ZNF451: variants seen among roughly 807,000 people sequenced by gnomAD.
The protein encoded by ZNF451 is E3 SUMO-protein ligase ZNF451.
A neutral mutation model predicts 107.1 loss-of-function variants in ZNF451; 80 were observed. That is an observed-to-expected ratio of 0.75 (90% CI 0.62 to 0.90). The LOEUF (loss-of-function observed/expected upper bound fraction) is 0.90, where lower values mean the gene tolerates loss of function less well. Ranked by LOEUF, ZNF451 falls within the 40% of genes least tolerant of loss-of-function variation. The probability of loss-of-function intolerance (pLI) is 0.00; values close to 1 mark genes in which losing one functional copy is unlikely to be tolerated. For missense variants in ZNF451, 1,107 were observed against 1,236.2 expected, an observed-to-expected ratio of 0.90 and a Z score of 1.57; for synonymous variants, 362 against 406.5, an observed-to-expected ratio of 0.89 and a Z score of 1.32.
At chr6:57,142,534 A>G (rs1230258825) in intron 9 of ZNF451, among the ~76,000 whole-genome samples, 2 of 152,184 alleles carry the variant, frequency 1.3e-5, no homozygotes, top group African/African-American at 4.8e-5. Flanking sequence ...TGTTTAGTAC[A>G]TTGTTCCTTC....
chr6:57,094,227 C>T (rs897646937), intron 2 of ZNF451, among the ~76,000 whole-genome samples: 13 of 152,122 alleles, frequency 8.5e-5, no homozygotes, highest in African/African-American at 3.1e-4. Context: ...ACTGTTTTGC[C>T]ATGCTTCTAC....
chr6:57,105,756 T>C (rs926301231), intron 3 of ZNF451: 1 of 985,418 alleles, frequency 1.0e-6, no homozygotes, highest in Non-Finnish European at 1.2e-6. Context: ...ACACAACTTA[T>C]ATTTGATAAG....
At chr6:57,102,560 C>A (rs542365810) in intron 3 of ZNF451, 1 of 987,418 alleles carries the variant, frequency 1.0e-6, no homozygotes, top group South Asian at 4.7e-5. Flanking sequence ...GTTCAGGCTT[C>A]AGTTTGACAG....
intron 13 of ZNF451, 22 bp downstream of exon 13, chr6:57,154,069 G>A (rs374866664): frequency 2.3e-5 from 37 of 1,613,322 alleles, no homozygotes; most frequent in Non-Finnish European, 3.1e-5. Context: ...CAGTCACAGT[G>A]CAAACCACCC....
chr6:57,145,964 T>G (rs999031570), intron 9 of ZNF451, among the ~76,000 whole-genome samples: 2 of 152,206 alleles, frequency 1.3e-5, no homozygotes, highest in African/African-American at 4.8e-5. Flanking sequence ...CAACATCAGT[T>G]GTTTTTTGAC....
intron 14 of ZNF451, among the ~76,000 whole-genome samples, chr6:57,163,746 G>A (rs1289749986): frequency 2.6e-5 from 4 of 151,914 alleles, no homozygotes; most frequent in Admixed American, 1.3e-4. Flanking sequence ...CACCGCGCCC[G>A]GCCTAAATGA....
chr6:57,148,513 A>G lies in ZNF451; in HGVS notation c.2428A>G (p.Arg810Gly). ...TGAGAGTGCACAGCAGCATTTCCAT[A>G]GAAAACATTGCTTCTTACAGAAACC... ...DPESAQQHFHRKHCFLQKPSV... is the reference protein window; with the variant it reads ...DPESAQQHFHGKHCFLQKPSV... Residue 810 changes from arginine (R) to glycine (G), a missense_variant, in exon 10 of 15, where the codon AGA (arginine) becomes GGA (glycine). Physicochemically the swap from Arg to Gly is moderately radical, Grantham distance 125. This residue lies in a region of ZNF451 where 608 missense variants were observed against 649.2 expected (regional missense o/e 0.94). Transcript: ENST00000370706. 6.2e-7 allele frequency: 1 copy of G among 1,614,162 alleles called. No individual in the cohort carries two copies. The highest frequency in any genetic ancestry group is 2.2e-5 in the East Asian group (1 of 44,886).
At chr6:57,096,266 C>T (rs1163052542) in intron 2 of ZNF451, among the ~76,000 whole-genome samples, 2 of 142,088 alleles carry the variant, frequency 1.4e-5, no homozygotes, top group Non-Finnish European at 3.0e-5. Flanking sequence ...CTCACTGCAA[C>T]CTCTGCCTCC....
At chr6:57,140,546 A>T (rs1831701164) in intron 7 of ZNF451, among the ~76,000 whole-genome samples, 1 of 152,194 alleles carries the variant, frequency 6.6e-6, no homozygotes, top group African/African-American at 2.4e-5. Flanking sequence ...ATTCAAATAT[A>T]TATACCCATT....
chr6:57,108,624 C>A, intron 3 of ZNF451: 1 of 985,372 alleles, frequency 1.0e-6, no homozygotes, highest in Non-Finnish European at 1.2e-6. Context: ...CATTTAGATT[C>A]TTGGGACAGA....
chr6:57,096,283 C>G (rs1356107359), intron 2 of ZNF451, among the ~76,000 whole-genome samples: 2 of 139,792 alleles, frequency 1.4e-5, no homozygotes, highest in Non-Finnish European at 3.0e-5. Context: ...CTCCCGGGTT[C>G]AAGCAATTCT....
At chr6:57,112,498 A>C (rs1415917710) in intron 3 of ZNF451, among the ~76,000 whole-genome samples, 1 of 152,216 alleles carries the variant, frequency 6.6e-6, no homozygotes, top group Non-Finnish European at 1.5e-5. Context: ...TCAGGGAGAT[A>C]TTATGACTGT....
chr6:57,125,464 T>C (rs1830886257), intron 4 of ZNF451, among the ~76,000 whole-genome samples: 1 of 152,170 alleles, frequency 6.6e-6, no homozygotes, highest in Admixed American at 6.5e-5. Flanking sequence ...AATGTTGATA[T>C]ATTGGGTAAA....
intron 9 of ZNF451, 32 bp downstream of exon 9, chr6:57,142,127 C>T (rs773713892): frequency 2.5e-5 from 39 of 1,557,270 alleles, no homozygotes; most frequent in South Asian, 2.5e-4. Context: ...TAAAGGAATA[C>T]GGATGAGTGT....
chr6:57,121,698 A>T (rs1830646525), intron 3 of ZNF451, among the ~76,000 whole-genome samples: 1 of 152,316 alleles, frequency 6.6e-6, no homozygotes, highest in African/African-American at 2.4e-5. Flanking sequence ...CTCTACGAGG[A>T]AAACTATAAA....
chr6:57,136,180 A>T (rs1831417441), intron 7 of ZNF451, among the ~76,000 whole-genome samples: 1 of 152,274 alleles, frequency 6.6e-6, no homozygotes, highest in East Asian at 1.9e-4. Context: ...GGGGATTCCT[A>T]ACAAAAATAA....
chr6:57,107,724 C>T lies in ZNF451; in HGVS notation c.186+8583C>T, dbSNP rs560269247. ...TTGTCAAGAATTCAATAAGAATTCT[C>T]AGGCTGTCTGTATTTTCTTTTAGGA... On this transcript the variant is annotated intron_variant, in intron 3 of 14. Transcript: ENST00000370706. 14 of 985,314 alleles carry T rather than the reference C, an allele frequency of 1.4e-5. No individual in the cohort carries two copies. The South Asian group carries it at 5.2e-4, about 36-fold the overall frequency. The allele number at this position is 985,314 out of a possible 1,614,324, so 61.0% of individuals were successfully genotyped here. A position where few individuals can be genotyped will look rare whatever the true frequency, so the allele number is the denominator to read the frequency against.
chr6:57,148,600 C>G lies in ZNF451; in HGVS notation c.2515C>G (p.His839Asp), dbSNP rs377081844. ...NLYKFTASAS[H>D]TERKLKQAIN... ...GTACAAGTTTACTGCTAGTGCCTCA[C>G]ATACAGAGAGAAAACTGAAACAGGC... Residue 839 changes from histidine (H) to aspartate (D), a missense_variant, in exon 10 of 15, where the codon CAT becomes GAT. Physicochemically the swap from His to Asp is moderately conservative, Grantham distance 81. Around this residue, in one of 5 missense-constraint regions of ZNF451, gnomAD observed 608 missense variants for 649.2 expected, o/e 0.94. Coordinates refer to ENST00000370706, the MANE Select transcript of ZNF451 (RefSeq NM_001031623.3). The G allele has an allele frequency of 1.9e-6, 3 of 1,613,906 alleles. No homozygotes were observed. In the African/African-American group the frequency reaches 4.0e-5, roughly 22 times the overall value.
chr6:57,101,742 G>A, intron 3 of ZNF451: 4 of 1,550,548 alleles, frequency 2.6e-6, no homozygotes, highest in Non-Finnish European at 3.5e-6. Context: ...GGGACATAAT[G>A]GACTCTGTAG....
Sources: allele counts gnomAD v4.1 joint callset (sites outside exome capture counted in the v4.1 genomes callset), GRCh38; gene constraint gnomAD v4.1.1; regional missense constraint gnomAD v4.1.1; transcripts MANE v1.5; gene names NCBI Gene and HGNC (gene_info 2026-07-23, HGNC 2026-07-21).